Variants in SNX32 observed in about 807,000 individuals in gnomAD.
SNX32 encodes sorting nexin-32.
In SNX32, 58 loss-of-function variants were observed where a neutral mutation model predicts 57.0. The ratio of observed to expected loss-of-function variants is 1.02; its 90% confidence interval spans 0.82 to 1.27. The LOEUF is 1.27. Among genes scored for constraint, SNX32 ranks in the 50% most tolerant of loss-of-function variants. The pLI, the probability that SNX32 is intolerant of heterozygous loss-of-function variation, is 0.00. For missense variants in SNX32, 589 were observed against 541.2 expected (o/e 1.09, Z -0.88); for synonymous variants, 262 against 220.4 (o/e 1.19, Z -1.67).
At chr11:65,835,236 G>C (rs936126233) in intron 1 of SNX32, among the ~76,000 whole-genome samples, 11 of 151,668 alleles carry the variant, frequency 7.3e-5, no homozygotes, top group Non-Finnish European at 1.3e-4. Flanking sequence ...AGGGAGGCAG[G>C]GTTTTGCCTT....
chr11:65,836,151 C>A (rs1858663588), intron 1 of SNX32, among the ~76,000 whole-genome samples: 1 of 152,110 alleles, frequency 6.6e-6, no homozygotes, highest in East Asian at 1.9e-4. Context: ...AGTACTTATC[C>A]TCTAGGTTAG....
chr11:65,836,157 G>T (rs1245289214), intron 1 of SNX32, among the ~76,000 whole-genome samples: 1 of 152,248 alleles, frequency 6.6e-6, no homozygotes, highest in South Asian at 2.1e-4. Flanking sequence ...TATCCTCTAG[G>T]TTAGGTGTTG....
chr11:65,848,115 T>C (rs1262812598), intron 1 of SNX32, among the ~76,000 whole-genome samples: 1 of 151,960 alleles, frequency 6.6e-6, no homozygotes, highest in Non-Finnish European at 1.5e-5. Flanking sequence ...CCAAGCCCCA[T>C]CTCAGGGACC....
chr11:65,841,588 T>C (rs1858842697), intron 1 of SNX32, among the ~76,000 whole-genome samples: 1 of 151,664 alleles, frequency 6.6e-6, no homozygotes, highest in Admixed American at 6.6e-5. Flanking sequence ...AAATATAATT[T>C]AAAAAGCAAA....
chr11:65,850,368 G>T (rs755837211), intron 4 of SNX32, 63 bp from the exon 5 acceptor site: 46 of 1,612,336 alleles, frequency 2.9e-5, no homozygotes, highest in Non-Finnish European at 3.8e-5. Context: ...TCTGACCCCA[G>T]AAAGGGGGCA....
chr11:65,852,442 C>A, intron 9 of SNX32, 23 bp from the exon 10 acceptor site: 2 of 1,610,996 alleles, frequency 1.2e-6, no homozygotes, highest in Non-Finnish European at 1.7e-6. Flanking sequence ...GCTCCCTTCC[C>A]AGTGCCCACC....
In SNX32 at chr11:65,851,697, T is replaced by C; in HGVS notation, c.825+18T>C. 3 of 1,613,846 alleles carry C rather than the reference T, an allele frequency of 1.9e-6. No individual in the cohort carries two copies. The highest frequency in any genetic ancestry group is 2.2e-5 in the South Asian group (2 of 91,052). On this transcript the variant is annotated intron_variant, in intron 9 of 12. Transcript: ENST00000308342. Reference sequence around the variant, plus strand: ...GGCTGAGGGTGAGTACTGCCTTCTGTGCTCAAAGGCTTTCCTGGTGAGCTT... The same window carrying C: ...GGCTGAGGGTGAGTACTGCCTTCTGCGCTCAAAGGCTTTCCTGGTGAGCTT...
rs753595679 is a variant in SNX32, at chr11:65,852,861, CCTCCT to C, written c.1073-7_1073-3del. On this transcript the variant is annotated splice_region_variant and splice_polypyrimidine_tract_variant and intron_variant, in intron 11 of 12. Transcript: ENST00000308342. The stretch of plus-strand genomic sequence containing the variant: ...CTGCCCGGATCCCCATGCCTCTTCC[CCTCCT>C]CTCCAGAGCTCATGGACTTCAAGTC... 23 of 1,613,972 alleles carry C rather than the reference CCTCCT, an allele frequency of 1.4e-5. No homozygotes were observed. The highest frequency in any genetic ancestry group is 1.9e-5 in the Non-Finnish European group (22 of 1,179,924).
Position 65,850,483 on chromosome 11 carries a change from C to T in SNX32, c.427C>T (p.Gln143Ter). 3 of 1,614,152 alleles carry T rather than the reference C, an allele frequency of 1.9e-6. No individual in the cohort carries two copies. Among genetic ancestry groups the T allele is most frequent in the Non-Finnish European group, 2.5e-6 (3 of 1,179,982 alleles). Reference sequence around the variant, plus strand: ...AGTTGCGATGCACGAAGTCTTTCTGCAGCGCCTGGCGGCCCACCCCACCCT... The same window carrying T: ...AGTTGCGATGCACGAAGTCTTTCTGTAGCGCCTGGCGGCCCACCCCACCCT... ...KTVAMHEVFL[Q>*]RLAAHPTLRR... is the part of the protein sequence containing the mutation. The change falls in exon 5 of 13, where the codon CAG (glutamine) becomes TAG (stop). Residue 143 changes from glutamine (Q) to a stop codon, truncating the protein, a stop_gained. Transcript: ENST00000308342. LOFTEE classifies it high-confidence loss of function.
chr11:65,849,834 G>T, intron 2 of SNX32, 86 bp from the exon 3 acceptor site: 1 of 1,085,332 alleles, frequency 9.2e-7, no homozygotes, highest in South Asian at 1.6e-5. Flanking sequence ...GATGTGGGAT[G>T]AGGGGGGCCC....
At position 65,849,578 on chromosome 11, in the gene SNX32, C is replaced by T. The variant is rs1346038326; in HGVS notation, c.137C>T (p.Thr46Ile). ...GACAAGGTGAAATTCACTGTTCAAA[C>T]AAAGGTGAGGCAGTGCGGGGCACGA... is the stretch of plus-strand genomic sequence containing the variant. ...ERDKVKFTVQ[T>I]KSCLPHFAQT... Residue 46 changes from threonine (T) to isoleucine (I), a missense_variant, in exon 2 of 13, where the codon ACA becomes ATA. Transcript: ENST00000308342. 6.2e-7 allele frequency: 1 copy of T among 1,613,998 alleles called. No individual in the cohort carries two copies. Among genetic ancestry groups the T allele is most frequent in the Non-Finnish European group, 8.5e-7 (1 of 1,179,878 alleles).
intron 1 of SNX32, among the ~76,000 whole-genome samples, chr11:65,839,807 TC>T: frequency 6.6e-6 from 1 of 151,822 alleles, no homozygotes; most frequent in East Asian, 1.9e-4. Context: ...AAGGCCTTCT[TC>T]CAGGAATGCA....
rs1397893431 is a variant in SNX32 at position 65,841,995 on chromosome 11, T to C, written c.37-7483T>C. Among the ~76,000 whole-genome samples the C allele has an allele frequency of 2.0e-5, 3 of 152,148 alleles. No homozygotes were observed. In the East Asian group the frequency reaches 5.8e-4, roughly 29 times the overall value. ...GATATAATCACAATCAAAATCCCAG[T>C]ACATTTTTGAGGGGTAGAAATTAAC... On this transcript the variant is annotated intron_variant, in intron 1 of 12. Coordinates refer to ENST00000308342, the MANE Select transcript of SNX32 (RefSeq NM_152760.3).
intron 5 of SNX32, 87 bp from the exon 6 acceptor site, chr11:65,850,664 T>C: frequency 6.4e-7 from 1 of 1,572,188 alleles, no homozygotes; most frequent in Non-Finnish European, 8.6e-7. Flanking sequence ...GGCCCAATCC[T>C]GTGTCACAGC....
At chr11:65,835,193 G>T (rs1591021262) in intron 1 of SNX32, among the ~76,000 whole-genome samples, 1 of 152,098 alleles carries the variant, frequency 6.6e-6, no homozygotes, top group Non-Finnish European at 1.5e-5. Flanking sequence ...GGGAGCCTCT[G>T]TGGCACCTGT....
In SNX32 at chr11:65,852,769, TC is replaced by T; in HGVS notation, c.1053del (p.Ser352ProfsTer39). 6.2e-7 allele frequency: 1 copy of T among 1,607,334 alleles called. No individual in the cohort carries two copies. The highest frequency in any genetic ancestry group is 1.7e-5 in the Admixed American group (1 of 59,702). ...CTGTGCTGCCAACGCTTCGAGCGCCTCTCCGACTCCGCCAAGCAAGGTGAGC... is the reference window on the plus strand; with the variant it reads ...CTGTGCTGCCAACGCTTCGAGCGCCTTCCGACTCCGCCAAGCAAGGTGAGC... Reference protein sequence around the residue: ...QQLCCQRFERLSDSAKQELMD... With the variant: ...QQLCCQRFERXSDSAKQELMD... On this transcript the variant is annotated frameshift_variant, in exon 11 of 13. Coordinates refer to ENST00000308342, the MANE Select transcript of SNX32 (RefSeq NM_152760.3). LOFTEE classifies it high-confidence loss of function.
Position 65,847,128 on chromosome 11 carries a change from C to T in SNX32, c.37-2350C>T, listed in dbSNP as rs186698924. 1.7e-3 allele frequency among the ~76,000 whole-genome samples: 260 copies of T among 152,084 alleles called. 5 individuals carry two copies. Among genetic ancestry groups the T allele is most frequent in the Non-Finnish European group, 3.1e-4 (21 of 67,984 alleles). On this transcript the variant is annotated intron_variant, in intron 1 of 12. Transcript: ENST00000308342. ...GCTCAATCTTCCCACCTCAGCCCCC[C>T]CCAAGTAGCTGGAACCACAGGCATG...
intron 8 of SNX32, 40 bp from the exon 9 acceptor site, chr11:65,851,600 C>T: frequency 2.5e-6 from 4 of 1,612,170 alleles, no homozygotes; most frequent in Non-Finnish European, 3.4e-6. Flanking sequence ...TGAGCTGTTC[C>T]TCAGCCCCCT....
At chr11:65,852,062 G>A (rs1344759340) in intron 9 of SNX32, among the ~76,000 whole-genome samples, 5 of 152,064 alleles carry the variant, frequency 3.3e-5, no homozygotes, top group Admixed American at 6.5e-5. Flanking sequence ...CTATTGGACC[G>A]CATCTCTTCC....
Sources: gnomAD v4.1 joint callset for allele counts (sites outside exome capture counted in the v4.1 genomes callset) on GRCh38, gnomAD v4.1.1 for gene constraint, MANE v1.5 for transcripts, NCBI Gene and HGNC (gene_info 2026-07-23, HGNC 2026-07-21) for gene names.